The following C13orf46 variants were observed in gnomAD, a reference collection of about 807,000 sequenced individuals.
C13orf46 encodes the protein uncharacterized protein C13orf46.
At chr13:113,937,928 T>A in the C13orf46 span, among the ~76,000 whole-genome samples, 2 of 152,184 alleles carry the variant, frequency 1.3e-5, no homozygotes, top group Admixed American at 1.3e-4. Flanking sequence ...TTGAGTTCTG[T>A]CTGTGCTTTG....
the C13orf46 span, among the ~76,000 whole-genome samples, chr13:113,929,596 G>A: frequency 6.6e-6 from 1 of 152,358 alleles, no homozygotes; most frequent in South Asian, 2.1e-4. Context: ...CGAAAGCCCA[G>A]GCTGTGCAGT....
chr13:113,943,038 A>G, the C13orf46 span, among the ~76,000 whole-genome samples: 1 of 152,190 alleles, frequency 6.6e-6, no homozygotes, highest in Admixed American at 6.5e-5. Context: ...GGGCCCTGAC[A>G]GTCCCACTGA....
the C13orf46 span, among the ~76,000 whole-genome samples, chr13:113,940,392 A>G: frequency 6.6e-6 from 1 of 152,216 alleles, no homozygotes; most frequent in South Asian, 2.1e-4. Context: ...CCACCCAGAC[A>G]GAAGACGCAG....
downstream of C13orf46, chr13:113,953,691 C>G (rs984721455): frequency 6.6e-6 from 1 of 152,372 alleles, no homozygotes; most frequent in Admixed American, 6.5e-5. Flanking sequence ...GGCGACAGGA[C>G]GAATACACGG....
At chr13:113,931,363 G>A in the C13orf46 span, among the ~76,000 whole-genome samples, 1 of 152,226 alleles carries the variant, frequency 6.6e-6, no homozygotes, top group Non-Finnish European at 1.5e-5. Flanking sequence ...ACACAACTCA[G>A]TGAGAGCACC....
chr13:113,941,499 C>T, the C13orf46 span, among the ~76,000 whole-genome samples: 1 of 150,356 alleles, frequency 6.7e-6, no homozygotes. Context: ...GCTGAGCGTT[C>T]GAGACCCTGA....
the C13orf46 span, among the ~76,000 whole-genome samples, chr13:113,937,296 G>A: frequency 4.6e-5 from 7 of 152,286 alleles, no homozygotes; most frequent in South Asian, 6.2e-4. Context: ...CCGTGGTCAC[G>A]CCACAGCCAC....
chr13:113,948,760 T>G (rs924204548), downstream of C13orf46, among the ~76,000 whole-genome samples: 11 of 152,178 alleles, frequency 7.2e-5, no homozygotes, highest in Admixed American at 1.3e-4. Context: ...TACAAAACGC[T>G]ACTGAGATAA....
intron 1 of C13orf46, among the ~76,000 whole-genome samples, chr13:113,972,926 C>T (rs992631883): frequency 1.3e-5 from 2 of 152,240 alleles, no homozygotes; most frequent in African/African-American, 2.4e-5. Context: ...CAGCTCCGCC[C>T]CAGCAGCGCA....
the C13orf46 span, among the ~76,000 whole-genome samples, chr13:113,944,178 T>C: frequency 1.3e-5 from 2 of 152,126 alleles, no homozygotes; most frequent in South Asian, 4.1e-4. Context: ...GCTCATCTTG[T>C]CCTGGAGGCT....
At chr13:113,934,188 G>A in the C13orf46 span, among the ~76,000 whole-genome samples, 2 of 152,190 alleles carry the variant, frequency 1.3e-5, no homozygotes, top group South Asian at 2.1e-4. Context: ...CTCCGTTGCT[G>A]AGCACGTTGT....
At chr13:113,958,280 C>T (rs1432968148) in intron 6 of C13orf46, among the ~76,000 whole-genome samples, 8 of 152,170 alleles carry the variant, frequency 5.3e-5, no homozygotes, top group Admixed American at 2.6e-4. Flanking sequence ...TCTGCATGCA[C>T]CCCATTTCAT....
At chr13:113,958,659 G>A (rs2052562413) in intron 6 of C13orf46, among the ~76,000 whole-genome samples, 1 of 152,248 alleles carries the variant, frequency 6.6e-6, no homozygotes, top group African/African-American at 2.4e-5. Context: ...GCTCGCGGGC[G>A]ACAGCCTCAG....
At chr13:113,939,723 C>G in the C13orf46 span, among the ~76,000 whole-genome samples, 1,783 of 152,336 alleles carry the variant, frequency 0.012, 30 homozygotes, top group African/African-American at 0.041. Flanking sequence ...CACTCAGGCT[C>G]CCAGTGACCT....
chr13:113,938,120 A>T, the C13orf46 span, among the ~76,000 whole-genome samples: 1 of 152,212 alleles, frequency 6.6e-6, no homozygotes, highest in Non-Finnish European at 1.5e-5. Context: ...TCACAAGATG[A>T]ACATGCAGCT....
At chr13:113,946,978 C>T in the C13orf46 span, among the ~76,000 whole-genome samples, 1 of 152,242 alleles carries the variant, frequency 6.6e-6, no homozygotes, top group Non-Finnish European at 1.5e-5. Context: ...GTGGTTACTG[C>T]TGGGGCTGTC....
chr13:113,962,141 C>T lies in C13orf46; in HGVS notation c.572+2786G>A, dbSNP rs958649521. 4.9e-3 allele frequency among the ~76,000 whole-genome samples: 747 copies of T among 152,258 alleles called. 2 individuals carry two copies. The highest frequency in any genetic ancestry group is 0.017 in the African/African-American group (712 of 41,566). ...GATGGAGGCTGGGTGCGGTGGCTCACGCCTGTAATCCCAGCACATCGGGAG... is the reference window on the plus strand; with the variant it reads ...GATGGAGGCTGGGTGCGGTGGCTCATGCCTGTAATCCCAGCACATCGGGAG... On this transcript the variant is annotated intron_variant, in intron 6 of 6. Transcript: ENST00000636427.
downstream of C13orf46, among the ~76,000 whole-genome samples, chr13:113,949,896 G>C (rs972460323): frequency 6.6e-6 from 1 of 151,698 alleles, no homozygotes; most frequent in African/African-American, 2.4e-5. Flanking sequence ...CTGTAGAGTG[G>C]GGTCCTCACT....
chr13:113,972,721 G>A (rs956258684), intron 1 of C13orf46, among the ~76,000 whole-genome samples: 6 of 152,220 alleles, frequency 3.9e-5, no homozygotes, highest in Non-Finnish European at 7.4e-5. Flanking sequence ...CACCAGCTAC[G>A]CAGGTTCCTT....
Sources: allele counts gnomAD v4.1 joint callset (sites outside exome capture counted in the v4.1 genomes callset), GRCh38; gene constraint gnomAD v4.1.1; transcripts MANE v1.5; gene names NCBI Gene and HGNC (gene_info 2026-07-23, HGNC 2026-07-21).